ZFHX3: variants seen among roughly 807,000 people sequenced by gnomAD.
The protein encoded by ZFHX3 is zinc finger homeobox protein 3.
In ZFHX3, 42 loss-of-function variants were observed where a neutral mutation model predicts 279.1. The ratio of observed to expected loss-of-function variants is 0.15; its 90% CI spans 0.12 to 0.19. The LOEUF is 0.19. ZFHX3 is among the 10% of genes least tolerant of loss of function. The pLI is 1.00. For missense variants in ZFHX3, 4,981 were observed against 4,754.0 expected (o/e 1.05, Z -1.40); for synonymous variants, 2,293 against 1,957.8 (o/e 1.17, Z -4.52).
chr16:73,647,462 T>C lies in ZFHX3; in HGVS notation c.-1547+32718A>G, dbSNP rs1160423191. The stretch of plus-strand genomic sequence containing the variant: ...CTGATGGTTTAAAAGTATGCGGCAC[T>C]TACCGCTTCACTCCCTCTCTCCTAC... On this transcript the variant is annotated intron_variant, in intron 2 of 17. Coordinates refer to the ZFHX3 transcript ENST00000641206. Among the ~76,000 whole-genome samples, 4 of 152,284 alleles carry C rather than the reference T, an allele frequency of 2.6e-5. No individual in the cohort carries two copies. The East Asian group carries it at 5.8e-4, about 22-fold the overall frequency.
At chr16:73,775,664 GT>G (rs1179037779) in intron 1 of ZFHX3, among the ~76,000 whole-genome samples, 1 of 152,190 alleles carries the variant, frequency 6.6e-6, no homozygotes, top group African/African-American at 2.4e-5. Context: ...AAACGCAGGG[GT>G]AGTAATTATT....
chr16:72,951,111 G>T, intron 2 of ZFHX3, 146 bp from the exon 3 acceptor site: 1 of 1,140,202 alleles, frequency 8.8e-7, no homozygotes, highest in Non-Finnish European at 1.2e-6. Context: ...CTACTGGCTG[G>T]AAAACAAGCA....
intron 1 of ZFHX3, among the ~76,000 whole-genome samples, chr16:73,876,858 C>T (rs2142407311): frequency 6.6e-6 from 1 of 152,166 alleles, no homozygotes; most frequent in East Asian, 1.9e-4. Context: ...CCTTCACACA[C>T]AGACACAAAA....
In ZFHX3 at chr16:72,787,673, C is replaced by G. The variant is rs1457944892; in HGVS notation, c.10603G>C (p.Glu3535Gln). 6.4e-7 allele frequency: 1 copy of G among 1,558,562 alleles called. No individual in the cohort carries two copies. Among genetic ancestry groups the G allele is most frequent in the South Asian group, 1.2e-5 (1 of 83,416 alleles). ...GCTTCCTCCCCACAGAGCGCGCTCT[C>G]GCACGCCAGGCAGTGGTACGAGCCG... ...GGGSYHCLAC[E>Q]SALCGEEALS... Residue 3535 changes from glutamate to glutamine, a missense_variant, in exon 10 of 10, where the codon GAG becomes CAG. By Grantham distance (29) the Glu-to-Gln change is conservative. Around this residue, in one of 7 missense-constraint regions of ZFHX3, gnomAD observed 1,034 missense variants for 786.0 expected, o/e 1.32. Transcript: ENST00000268489.
intron 4 of ZFHX3, among the ~76,000 whole-genome samples, chr16:72,879,652 C>A (rs574938496): frequency 6.6e-6 from 1 of 152,130 alleles, no homozygotes; most frequent in Non-Finnish European, 1.5e-5. Flanking sequence ...TCTCCAATAC[C>A]TGAGCTCTAG....
At chr16:73,411,672 C>T (rs576579417) in intron 3 of ZFHX3, among the ~76,000 whole-genome samples, 5 of 152,252 alleles carry the variant, frequency 3.3e-5, no homozygotes, top group South Asian at 4.1e-4. Flanking sequence ...GGAGATAGTA[C>T]ATAAAAATTC....
chr16:73,653,360 C>A (rs1379005043), intron 2 of ZFHX3, among the ~76,000 whole-genome samples: 1 of 152,136 alleles, frequency 6.6e-6, no homozygotes, highest in Non-Finnish European at 1.5e-5. Flanking sequence ...TTTTAAACAA[C>A]TTCTAAGAAC....
intron 3 of ZFHX3, among the ~76,000 whole-genome samples, chr16:72,923,712 TCTCAAGTCTCTCTC>T (rs1213258650): frequency 1.4e-5 from 2 of 147,392 alleles, no homozygotes; most frequent in Non-Finnish European, 3.0e-5. Flanking sequence ...ACCTCATCAA[TCTCAAGTCTCTCTC>T]CTTGGTAGTA....
At chr16:73,823,190 G>A (rs1418690173) in intron 1 of ZFHX3, among the ~76,000 whole-genome samples, 1 of 152,232 alleles carries the variant, frequency 6.6e-6, no homozygotes, top group Non-Finnish European at 1.5e-5. Context: ...AATCCATGAG[G>A]TCAGGGAAAG....
chr16:72,907,911 T>C (rs1028424591), intron 3 of ZFHX3, among the ~76,000 whole-genome samples: 23 of 152,062 alleles, frequency 1.5e-4, no homozygotes, highest in African/African-American at 5.6e-4. Flanking sequence ...CTCAAACTCC[T>C]GGCCTCAAGT....
intron 4 of ZFHX3, among the ~76,000 whole-genome samples, chr16:73,266,759 C>T (rs991109700): frequency 2.6e-5 from 4 of 152,212 alleles, no homozygotes; most frequent in East Asian, 1.9e-4. Context: ...AAAGATGTCA[C>T]GGTTTTATAA....
Position 73,402,038 on chromosome 16 carries a change from A to G in ZFHX3, c.-1291+53965T>C, listed in dbSNP as rs1332127454. 2.0e-5 allele frequency: 3 copies of G among 152,276 alleles called. No individual in the cohort carries two copies. In the East Asian group the frequency reaches 5.8e-4, roughly 29 times the overall value. The allele number at this position is 152,276 out of a possible 1,614,324, so 9.4% of individuals were successfully genotyped here. A position where few individuals can be genotyped will look rare whatever the true frequency, so the allele number is the denominator to read the frequency against. The stretch of plus-strand genomic sequence containing the variant: ...GGAAATGTGGTCAAAATACTAGTCC[A>G]GGAAAGGAACATGACAGATTTGTTG... On this transcript the variant is annotated intron_variant, in intron 3 of 17. Coordinates refer to the ZFHX3 transcript ENST00000641206.
At chr16:73,419,225 A>G (rs774297921) in intron 3 of ZFHX3, among the ~76,000 whole-genome samples, 11 of 152,234 alleles carry the variant, frequency 7.2e-5, no homozygotes, top group Admixed American at 5.9e-4. Context: ...TGGGGCAGAT[A>G]GTATGCTAAG....
In ZFHX3 at chr16:73,481,702, G is replaced by C. The variant is rs545153764; in HGVS notation, c.-1546-25444C>G. On this transcript the variant is annotated intron_variant, in intron 2 of 17. Coordinates refer to the ZFHX3 transcript ENST00000641206. ...GAGATAGGGTCTCACTATGTTGCCC[G>C]AGCTGGTCTCAAACTCTTGGCCTCA... Among the ~76,000 whole-genome samples the C allele has an allele frequency of 3.9e-4, 59 of 151,984 alleles. 1 individual carries two copies. The highest frequency in any genetic ancestry group is 1.3e-3 in the African/African-American group (53 of 41,412).
At chr16:72,892,487 T>A (rs1474470115) in intron 3 of ZFHX3, among the ~76,000 whole-genome samples, 1 of 151,510 alleles carries the variant, frequency 6.6e-6, no homozygotes, top group Non-Finnish European at 1.5e-5. Context: ...TTGAGCTGCT[T>A]TTTGTTTACT....
At chr16:73,678,839 C>G (rs1353590072) in intron 2 of ZFHX3, among the ~76,000 whole-genome samples, 1 of 152,132 alleles carries the variant, frequency 6.6e-6, no homozygotes, top group Non-Finnish European at 1.5e-5. Context: ...TTAGCACACA[C>G]CAAGAGAAAC....
At position 72,794,769 on chromosome 16, in the gene ZFHX3, G is replaced by C. The variant is rs1174280604; in HGVS notation, c.7913C>G (p.Pro2638Arg). 6 of 1,614,082 alleles carry C rather than the reference G, an allele frequency of 3.7e-6. No individual in the cohort carries two copies. Among genetic ancestry groups the C allele is most frequent in the Non-Finnish European group, 5.1e-6 (6 of 1,180,058 alleles). The stretch of plus-strand genomic sequence containing the variant: ...TGTTCTCAAACGCTTGTCTCTCTGA[G>C]GCTCTTCTCCTCCTGTCCCACTGTC... The part of the protein sequence containing the change: ...ENDSGTGGEE[P>R]QRDKRLRTTI... The change falls in exon 9 of 10, where the codon CCT (proline) becomes CGT (arginine). Residue 2638 changes from proline to arginine, a missense_variant. By Grantham distance (103) the Pro-to-Arg change is moderately radical. Coordinates refer to ENST00000268489, the MANE Select transcript of ZFHX3 (RefSeq NM_006885.4). This position sits in a 1 kb window ranked among gnomAD's most constrained non-coding sequence, Gnocchi z 4.2.
At chr16:73,550,170 C>G (rs540560908) in intron 2 of ZFHX3, among the ~76,000 whole-genome samples, 2 of 151,946 alleles carry the variant, frequency 1.3e-5, no homozygotes, top group East Asian at 3.9e-4. Flanking sequence ...GGGGCTGGGC[C>G]GTGTCAGGGC....
chr16:73,334,721 A>G (rs1265230167), intron 3 of ZFHX3, among the ~76,000 whole-genome samples: 2 of 150,622 alleles, frequency 1.3e-5, no homozygotes, highest in African/African-American at 2.4e-5. Flanking sequence ...AGAGTCCCCA[A>G]ATTTGAACCT....
Sources: allele counts gnomAD v4.1 joint callset (sites outside exome capture counted in the v4.1 genomes callset), GRCh38; gene constraint gnomAD v4.1.1; regional missense constraint gnomAD v4.1.1; non-coding constraint Gnocchi (gnomAD v3.1); transcripts MANE v1.5; gene names NCBI Gene and HGNC (gene_info 2026-07-23, HGNC 2026-07-21).